The following KANK1 variants were observed in gnomAD, a reference collection of about 807,000 sequenced individuals.
KANK1 encodes the protein KN motif and ankyrin repeat domains 1.
A neutral mutation model predicts 106.2 loss-of-function variants in KANK1; 109 were observed. That is an observed-to-expected ratio of 1.03 (90% CI 0.88 to 1.20). KANK1 has a LOEUF of 1.20. Among genes scored for constraint, KANK1 ranks in the 50% most tolerant of loss-of-function variants. The pLI is 0.00. For synonymous variants in KANK1, 873 were observed against 652.2 expected, an observed-to-expected ratio of 1.34 and a Z score of -5.16; for missense variants, 2,399 against 1,710.7, an observed-to-expected ratio of 1.40 and a Z score of -7.10.
chr9:701,112 T>C (rs1450298491), intron 2 of KANK1, among the ~76,000 whole-genome samples: 1 of 152,196 alleles, frequency 6.6e-6, no homozygotes, highest in Non-Finnish European at 1.5e-5. Flanking sequence ...ATGAAAGACT[T>C]GAAGACTACA....
chr9:743,939 T>G (rs1051044718), intron 10 of KANK1, among the ~76,000 whole-genome samples: 1 of 152,190 alleles, frequency 6.6e-6, no homozygotes, highest in African/African-American at 2.4e-5. Context: ...TGAAATTTAA[T>G]GGAAATCAAG....
chr9:596,916 C>T (rs531142969), intron 1 of KANK1, among the ~76,000 whole-genome samples: 2 of 151,344 alleles, frequency 1.3e-5, no homozygotes, highest in South Asian at 2.1e-4. Flanking sequence ...TCCTCTCTCT[C>T]ATCCCTGACA....
At chr9:541,714 C>T (rs887333513) in intron 1 of KANK1, among the ~76,000 whole-genome samples, 15 of 152,006 alleles carry the variant, frequency 9.9e-5, no homozygotes, top group Non-Finnish European at 1.5e-5. Context: ...GGTTGCAGAC[C>T]ATACATCTGA....
chr9:568,855 C>T (rs1389029909), intron 1 of KANK1, among the ~76,000 whole-genome samples: 1 of 152,160 alleles, frequency 6.6e-6, no homozygotes, highest in East Asian at 1.9e-4. Flanking sequence ...TCAGAAGTCA[C>T]ATTTTAAAAG....
At chr9:645,624 G>C (rs766660155) in intron 1 of KANK1, among the ~76,000 whole-genome samples, 7 of 150,530 alleles carry the variant, frequency 4.7e-5, no homozygotes, top group Non-Finnish European at 1.0e-4. Flanking sequence ...GCTCATGCCT[G>C]TAATCCCAGC....
intron 3 of KANK1, among the ~76,000 whole-genome samples, chr9:478,921 CTTT>C (rs59794020): frequency 2.9e-5 from 4 of 137,620 alleles, no homozygotes; most frequent in Non-Finnish European, 3.1e-5. Context: ...ACATCCATTA[CTTT>C]TTTTTTTTTT....
chr9:521,513 T>G (rs151072455), intron 1 of KANK1, among the ~76,000 whole-genome samples: 1 of 151,616 alleles, frequency 6.6e-6, no homozygotes, highest in African/African-American at 2.4e-5. Context: ...TTCATGAAAT[T>G]TCATCAAACA....
At chr9:639,435 G>A (rs1040453707) in intron 1 of KANK1, among the ~76,000 whole-genome samples, 1 of 152,062 alleles carries the variant, frequency 6.6e-6, no homozygotes, top group Admixed American at 6.6e-5. Context: ...TTTTGCCTCA[G>A]CCTCCCAAGT....
At chr9:505,304 C>T (rs2058700491) in intron 1 of KANK1, among the ~76,000 whole-genome samples, 3 of 152,220 alleles carry the variant, frequency 2.0e-5, no homozygotes, top group Admixed American at 6.5e-5. Context: ...TCGGGTCGCC[C>T]TCCGCCAACT....
chr9:722,771 A>C (rs1312782795), intron 3 of KANK1, among the ~76,000 whole-genome samples: 2 of 152,234 alleles, frequency 1.3e-5, no homozygotes, highest in African/African-American at 2.4e-5. Context: ...TAGAATCCTC[A>C]TGACCTTTGG....
At chr9:550,960 T>C (rs2061245118) in intron 1 of KANK1, among the ~76,000 whole-genome samples, 1 of 152,102 alleles carries the variant, frequency 6.6e-6, no homozygotes, top group African/African-American at 2.4e-5. Context: ...CTCTTTCTGC[T>C]GTATCTTTGT....
intron 3 of KANK1, among the ~76,000 whole-genome samples, chr9:723,801 G>C (rs1829978796): frequency 1.3e-5 from 2 of 151,880 alleles, no homozygotes; most frequent in African/African-American, 4.8e-5. Context: ...ATTTTTTAGA[G>C]ACTATTGGAG....
intron 9 of KANK1, 72 bp from the exon 10 acceptor site, chr9:742,133 C>G (rs1033030939): frequency 6.9e-6 from 9 of 1,300,258 alleles, no homozygotes; most frequent in East Asian, 2.3e-5. Context: ...CTTTCCCTAG[C>G]ACAGCCCCAC....
chr9:492,081 T>C (rs1024152055), intron 3 of KANK1: 10 of 152,212 alleles, frequency 6.6e-5, no homozygotes, highest in African/African-American at 2.2e-4. Context: ...GCAAGGAACA[T>C]ACCTGGAGTG....
At chr9:584,787 C>G (rs561627760) in intron 1 of KANK1, among the ~76,000 whole-genome samples, 2 of 152,258 alleles carry the variant, frequency 1.3e-5, no homozygotes, top group South Asian at 2.1e-4. Context: ...CAGGTGAGGA[C>G]CAAGGGAAGA....
intron 1 of KANK1, among the ~76,000 whole-genome samples, chr9:526,933 A>G (rs2059819266): frequency 6.6e-6 from 1 of 151,766 alleles, no homozygotes; most frequent in African/African-American, 2.4e-5. Context: ...TAATATTAAT[A>G]TGATTTTTGT....
intron 1 of KANK1, among the ~76,000 whole-genome samples, chr9:655,510 A>C (rs1157488078): frequency 6.6e-6 from 1 of 152,192 alleles, no homozygotes; most frequent in East Asian, 1.9e-4. Flanking sequence ...TTCAGTGTGC[A>C]TACAAATCAC....
At position 742,405 on chromosome 9, in the gene KANK1, C is replaced by G. The variant is rs755985194; in HGVS notation, c.3897C>G (p.Asn1299Lys). The G allele has an allele frequency of 1.1e-5, 18 of 1,609,220 alleles. No individual in the cohort carries two copies. The highest frequency in any genetic ancestry group is 2.7e-5 in the African/African-American group (2 of 74,876). The change falls in exon 10 of 12, where the codon AAC (asparagine) becomes AAG (lysine). Residue 1299 changes from asparagine to lysine, a missense_variant and splice_region_variant. Transcript: ENST00000382297. The part of the protein sequence containing the change: ...QPGCNGHLED[N>K]DGSTALSIAL... ...GCTGCAACGGTCACCTAGAGGACAA[C>G]GTAAGCTGTCTCCATTGGGCCTCCT...
chr9:553,085 G>T (rs964543259), intron 1 of KANK1, among the ~76,000 whole-genome samples: 10 of 152,164 alleles, frequency 6.6e-5, no homozygotes, highest in African/African-American at 2.4e-4. Context: ...GGTTGAGGCT[G>T]CAGTGAGCCA....
Sources: gnomAD v4.1 joint callset for allele counts (sites outside exome capture counted in the v4.1 genomes callset) on GRCh38, gnomAD v4.1.1 for gene constraint, MANE v1.5 for transcripts, NCBI Gene and HGNC (gene_info 2026-07-23, HGNC 2026-07-21) for gene names.